BMPR1A: variants seen among roughly 807,000 people sequenced by gnomAD.
BMPR1A encodes bone morphogenetic protein receptor type 1A, also known as bone morphogenetic protein receptor type-1A.
BMPR1A carries 7 observed loss-of-function variants against 66.0 expected under a neutral mutation model. The observed-to-expected ratio is 0.11, with a 90% CI of 0.06 to 0.20. The LOEUF is 0.20. BMPR1A is among the 10% of genes least tolerant of loss of function. The pLI is 1.00. For missense variants in BMPR1A, 408 were observed against 669.1 expected, an observed-to-expected ratio of 0.61 and a Z score of 4.31; for synonymous variants, 200 against 229.7, an observed-to-expected ratio of 0.87 and a Z score of 1.17.
chr10:86,902,271 C>T (rs1486792695), intron 7 of BMPR1A, among the ~76,000 whole-genome samples: 1 of 152,008 alleles, frequency 6.6e-6, no homozygotes, highest in Non-Finnish European at 1.5e-5. Context: ...CCTGTTTTTC[C>T]ATTGAATTGC....
intron 4 of BMPR1A, 68 bp from the exon 5 acceptor site, chr10:86,892,059 A>G (rs1369667695): frequency 2.4e-5 from 31 of 1,267,616 alleles, no homozygotes; most frequent in Middle Eastern, 4.2e-4. Context: ...TCACATTCAG[A>G]CTCAAATTTC....
At position 86,794,217 on chromosome 10, in the gene BMPR1A, A is replaced by G. The variant is rs548018557; in HGVS notation, c.-268+37298A>G. On this transcript the variant is annotated intron_variant, in intron 1 of 12. Transcript: ENST00000372037. ...CCACAGTTGGTTTTTAGTCAGCTACATAATTTTGAACTGTTAATTTTATCT... is the reference window on the plus strand; with the variant it reads ...CCACAGTTGGTTTTTAGTCAGCTACGTAATTTTGAACTGTTAATTTTATCT... Among the ~76,000 whole-genome samples, 21 of 152,252 alleles carry G rather than the reference A, an allele frequency of 1.4e-4. No individual in the cohort carries two copies. In the East Asian group the frequency reaches 3.9e-3, roughly 28 times the overall value.
At chr10:86,806,653 T>C (rs1411887361) in intron 1 of BMPR1A, among the ~76,000 whole-genome samples, 1 of 152,118 alleles carries the variant, frequency 6.6e-6, no homozygotes, top group East Asian at 1.9e-4. Flanking sequence ...CCAGACTCAG[T>C]TGATCCTCCC....
chr10:86,768,282 G>A (rs552721166), intron 1 of BMPR1A, among the ~76,000 whole-genome samples: 4 of 152,226 alleles, frequency 2.6e-5, no homozygotes, highest in Admixed American at 1.3e-4. Flanking sequence ...TATAAAGAGC[G>A]TGAGTAAAGT....
At chr10:86,864,366 G>A (rs1842752100) in intron 2 of BMPR1A, among the ~76,000 whole-genome samples, 1 of 152,094 alleles carries the variant, frequency 6.6e-6, no homozygotes, top group African/African-American at 2.4e-5. Flanking sequence ...TATTGCTCTC[G>A]GTACTGGAAT....
chr10:86,758,767 G>C (rs1847923480), intron 1 of BMPR1A, among the ~76,000 whole-genome samples: 1 of 152,156 alleles, frequency 6.6e-6, no homozygotes, highest in Non-Finnish European at 1.5e-5. Context: ...TTAACCCCTT[G>C]TTATCTGGAT....
chr10:86,774,139 C>T (rs1481236727), intron 1 of BMPR1A, among the ~76,000 whole-genome samples: 1 of 152,132 alleles, frequency 6.6e-6, no homozygotes, highest in East Asian at 1.9e-4. Flanking sequence ...CGTGAGCCAC[C>T]GCGCCCAGCC....
intron 7 of BMPR1A, among the ~76,000 whole-genome samples, chr10:86,912,020 A>T (rs557337926): frequency 4.6e-5 from 7 of 152,158 alleles, no homozygotes; most frequent in Non-Finnish European, 1.0e-4. Flanking sequence ...GTCTTTTTAC[A>T]TGCCAATACA....
chr10:86,826,260 T>C (rs1842192471), intron 1 of BMPR1A, among the ~76,000 whole-genome samples: 1 of 152,184 alleles, frequency 6.6e-6, no homozygotes, highest in Non-Finnish European at 1.5e-5. Context: ...TTATCTAACA[T>C]GTGATCCCTA....
At chr10:86,801,676 A>G (rs1430328599) in intron 1 of BMPR1A, among the ~76,000 whole-genome samples, 2 of 151,638 alleles carry the variant, frequency 1.3e-5, no homozygotes, top group Non-Finnish European at 2.9e-5. Context: ...TGCTTGCAAC[A>G]CTTCCTGTCC....
At chr10:86,842,175 G>A (rs529092183) in intron 2 of BMPR1A, among the ~76,000 whole-genome samples, 4 of 152,192 alleles carry the variant, frequency 2.6e-5, no homozygotes, top group Non-Finnish European at 5.9e-5. Context: ...TGTGGGATCT[G>A]ATGCTGTCTC....
At chr10:86,889,692 C>T in intron 3 of BMPR1A, 1 of 246,760 alleles carries the variant, frequency 4.1e-6, no homozygotes, top group Non-Finnish European at 7.9e-6. Flanking sequence ...AACTCAACTG[C>T]ATAATTGTGG....
chr10:86,884,541 G>A (rs1843043697), intron 3 of BMPR1A, among the ~76,000 whole-genome samples: 1 of 150,440 alleles, frequency 6.6e-6, no homozygotes. Flanking sequence ...AGCCTCCTGA[G>A]TAGCTGGATT....
In BMPR1A at chr10:86,777,593, AAG is replaced by A. The variant is rs1326396584; in HGVS notation, c.-268+20676_-268+20677del. ...TGACCCTGTCTCAAAAGAAAAAAAAAAGAACATGTATTTACCCTCTTAACAAT... is the reference window on the plus strand; with the variant it reads ...TGACCCTGTCTCAAAAGAAAAAAAAAAACATGTATTTACCCTCTTAACAAT... On this transcript the variant is annotated intron_variant, in intron 1 of 12. Coordinates refer to ENST00000372037, the MANE Select transcript of BMPR1A (RefSeq NM_004329.3). Among the ~76,000 whole-genome samples the A allele has an allele frequency of 2.0e-5, 3 of 152,250 alleles. No homozygotes were observed. In the East Asian group the frequency reaches 5.8e-4, roughly 29 times the overall value.
chr10:86,797,567 C>T (rs1001288435), intron 1 of BMPR1A, among the ~76,000 whole-genome samples: 2 of 151,922 alleles, frequency 1.3e-5, no homozygotes, highest in East Asian at 3.9e-4. Context: ...GGTTTCACCA[C>T]GTTGGCCAGC....
chr10:86,865,693 A>T (rs1177402175), intron 2 of BMPR1A, among the ~76,000 whole-genome samples: 3 of 152,226 alleles, frequency 2.0e-5, no homozygotes, highest in African/African-American at 7.2e-5. Context: ...AGTATTTCTC[A>T]ACAAGGAGAG....
rs572394422 is a variant in BMPR1A, at chr10:86,863,864, C to T, written c.-152-12003C>T. The stretch of plus-strand genomic sequence containing the variant: ...ATTAAAAAAAATTTTTAAATAGTTA[C>T]ATAAGTGGAAATGATTGATTTTTAA... On this transcript the variant is annotated intron_variant, in intron 2 of 12. Transcript: ENST00000372037. 2.6e-5 allele frequency among the ~76,000 whole-genome samples: 4 copies of T among 152,222 alleles called. No homozygotes were observed. The South Asian group carries it at 6.2e-4, about 24-fold the overall frequency.
At chr10:86,819,535 G>A (rs890223390) in intron 1 of BMPR1A, among the ~76,000 whole-genome samples, 1 of 152,108 alleles carries the variant, frequency 6.6e-6, no homozygotes, top group South Asian at 2.1e-4. Context: ...TCCTGACCTC[G>A]TGATCCGCCC....
intron 1 of BMPR1A, among the ~76,000 whole-genome samples, chr10:86,790,712 A>G (rs1434539040): frequency 2.6e-5 from 4 of 152,202 alleles, no homozygotes; most frequent in Non-Finnish European, 4.4e-5. Context: ...ATGTTGTATT[A>G]TTCTTATTTT....
Sources: gnomAD v4.1 joint callset for allele counts (sites outside exome capture counted in the v4.1 genomes callset) on GRCh38, gnomAD v4.1.1 for gene constraint, MANE v1.5 for transcripts, NCBI Gene and HGNC (gene_info 2026-07-23, HGNC 2026-07-21) for gene names.